The following TRPS1 variants were observed in gnomAD, a reference collection of about 807,000 sequenced individuals.
The protein encoded by TRPS1 is transcriptional repressor GATA binding 1, also known as zinc finger transcription factor Trps1.
Under a neutral mutation model 101.2 loss-of-function variants are expected in TRPS1, and 6 were observed. The observed-to-expected ratio is 0.06, with a 90% CI of 0.03 to 0.12. TRPS1 has a LOEUF of 0.12. TRPS1 is among the 10% of genes least tolerant of loss of function. The probability of loss-of-function intolerance (pLI) is 1.00; values close to 1 mark genes in which losing one functional copy is unlikely to be tolerated. For synonymous variants in TRPS1, 578 were observed against 589.8 expected (o/e 0.98, Z 0.29); for missense variants, 1,363 against 1,567.0 (o/e 0.87, Z 2.20).
rs73705198 is a variant in TRPS1 at position 115,441,391 on chromosome 8, T to C, written c.2701-22939A>G. ...AAACAGTTTTGGTGCATCCTTTCCA[T>C]AGGAGCTCACATACGAAATACATAT... On this transcript the variant is annotated intron_variant, in intron 5 of 6. Transcript: ENST00000395715. Among the ~76,000 whole-genome samples the C allele has an allele frequency of 8.2e-3, 1,242 of 152,318 alleles. 21 individuals are homozygous for C. Among genetic ancestry groups the C allele is most frequent in the African/African-American group, 0.029 (1,193 of 41,564 alleles).
intron 5 of TRPS1, among the ~76,000 whole-genome samples, chr8:115,423,797 A>C (rs1404380792): frequency 6.6e-6 from 1 of 152,214 alleles, no homozygotes; most frequent in African/African-American, 2.4e-5. Flanking sequence ...ACATGTTAGG[A>C]AACCCAGATA....
rs368671114 is a variant in TRPS1, at chr8:115,565,839, CAAG to C, written c.2700+21159_2700+21161del. ...TTTACTGCAGTAAAAATAACAGCAC[CAAG>C]AAGAAGCATCATGCTACATAATTCT... On this transcript the variant is annotated intron_variant, in intron 5 of 6. Coordinates refer to ENST00000395715, the MANE Select transcript of TRPS1 (RefSeq NM_014112.5). Among the ~76,000 whole-genome samples, 265 of 152,082 alleles carry C rather than the reference CAAG, an allele frequency of 1.7e-3. 2 individuals are homozygous for C. The highest frequency in any genetic ancestry group is 6.1e-3 in the African/African-American group (251 of 41,482).
At chr8:115,501,822 T>G (rs1182637441) in intron 5 of TRPS1, among the ~76,000 whole-genome samples, 1 of 152,142 alleles carries the variant, frequency 6.6e-6, no homozygotes, top group Non-Finnish European at 1.5e-5. Flanking sequence ...CTATCCTACT[T>G]CTCTAAATCC....
At chr8:115,522,601 T>C (rs1025842613) in intron 5 of TRPS1, among the ~76,000 whole-genome samples, 6 of 151,992 alleles carry the variant, frequency 3.9e-5, no homozygotes, top group Non-Finnish European at 8.8e-5. Flanking sequence ...CAGAAAATAA[T>C]GAGCCTGAAA....
At chr8:115,509,922 C>A (rs144920648) in intron 5 of TRPS1, among the ~76,000 whole-genome samples, 1 of 151,978 alleles carries the variant, frequency 6.6e-6, no homozygotes, top group East Asian at 1.9e-4. Context: ...GGTCTCTTCC[C>A]GCTGACCTCC....
intron 5 of TRPS1, among the ~76,000 whole-genome samples, chr8:115,474,939 G>A (rs909212860): frequency 1.3e-5 from 2 of 151,916 alleles, no homozygotes; most frequent in African/African-American, 4.8e-5. Flanking sequence ...AAAATTATGG[G>A]TTCCCAGAAT....
intron 1 of TRPS1, among the ~76,000 whole-genome samples, chr8:115,667,256 G>C (rs1811944099): frequency 6.6e-6 from 1 of 152,068 alleles, no homozygotes; most frequent in Admixed American, 6.6e-5. Flanking sequence ...TGGGGAAAGG[G>C]GGAAACACCA....
intron 5 of TRPS1, among the ~76,000 whole-genome samples, chr8:115,527,954 T>TC (rs1816040358): frequency 2.6e-5 from 4 of 152,050 alleles, no homozygotes; most frequent in Admixed American, 2.6e-4. Context: ...TTTCCAGCCA[T>TC]CTTAGATTTC....
intron 5 of TRPS1, among the ~76,000 whole-genome samples, chr8:115,444,835 A>T (rs1208862998): frequency 6.6e-6 from 1 of 152,176 alleles, no homozygotes; most frequent in East Asian, 1.9e-4. Flanking sequence ...ATTAGTCACC[A>T]AGTCCTGTAG....
intron 5 of TRPS1, among the ~76,000 whole-genome samples, chr8:115,484,237 T>C (rs1026119332): frequency 6.6e-6 from 1 of 151,988 alleles, no homozygotes; most frequent in Non-Finnish European, 1.5e-5. Context: ...AACAATGCCA[T>C]GTGTCTTCAT....
chr8:115,589,023 T>G (rs376067885), intron 4 of TRPS1, among the ~76,000 whole-genome samples: 1 of 152,066 alleles, frequency 6.6e-6, no homozygotes, highest in Non-Finnish European at 1.5e-5. Context: ...AAGGGCTGCG[T>G]AGGTAATCAG....
At chr8:115,433,553 A>T (rs748879172) in intron 5 of TRPS1, among the ~76,000 whole-genome samples, 10 of 152,144 alleles carry the variant, frequency 6.6e-5, no homozygotes, top group Non-Finnish European at 1.2e-4. Flanking sequence ...TGTTTAAGTC[A>T]TGATTTCTAC....
At chr8:115,623,224 A>G (rs1042549677) in intron 2 of TRPS1, among the ~76,000 whole-genome samples, 1 of 152,100 alleles carries the variant, frequency 6.6e-6, no homozygotes, top group Non-Finnish European at 1.5e-5. Flanking sequence ...AAACTGCTAA[A>G]ACTTCAAAGA....
chr8:115,548,923 G>A (rs2130331882), intron 5 of TRPS1, among the ~76,000 whole-genome samples: 1 of 152,268 alleles, frequency 6.6e-6, no homozygotes, highest in Non-Finnish European at 1.5e-5. Flanking sequence ...AAGCCTTTGT[G>A]AAGAAGATGT....
At chr8:115,423,828 T>A (rs569592398) in intron 5 of TRPS1, among the ~76,000 whole-genome samples, 2 of 152,328 alleles carry the variant, frequency 1.3e-5, no homozygotes, top group South Asian at 2.1e-4. Context: ...CATTTTTTTT[T>A]AAATTTTAAA....
chr8:115,498,499 CAA>C (rs1472036074), intron 5 of TRPS1, among the ~76,000 whole-genome samples: 1 of 144,974 alleles, frequency 6.9e-6, no homozygotes, highest in East Asian at 2.1e-4. Flanking sequence ...CAAAAACACA[CAA>C]GTTTGTTGTT....
At chr8:115,630,572 T>G (rs2130560217) in intron 1 of TRPS1, among the ~76,000 whole-genome samples, 1 of 152,152 alleles carries the variant, frequency 6.6e-6, no homozygotes, top group South Asian at 2.1e-4. Context: ...GAGGTAGGTT[T>G]TTTTAAGGCC....
rs1286729898 is a variant in TRPS1, at chr8:115,414,792, A to G, written c.3116T>C (p.Leu1039Pro). ...AGGTTGCATCCTTTTGTGAATATCC[A>G]GAGTTTGGCTGACCAGGACTGGCTG... is the stretch of plus-strand genomic sequence containing the variant. ...AQQPVLVSQT[L>P]DIHKRMQPLH... Residue 1039 changes from leucine to proline, a missense_variant, in exon 7 of 7, where the codon CTG becomes CCG. Transcript: ENST00000395715. The surrounding 1 kb of genome is among the most constrained non-coding windows in gnomAD (Gnocchi z 4.8). 2 of 1,614,042 alleles carry G rather than the reference A, an allele frequency of 1.2e-6. No homozygotes were observed. Among genetic ancestry groups the G allele is most frequent in the Non-Finnish European group, 1.7e-6 (2 of 1,179,944 alleles).
At chr8:115,602,103 G>A (rs527330111) in intron 4 of TRPS1, among the ~76,000 whole-genome samples, 1 of 152,170 alleles carries the variant, frequency 6.6e-6, no homozygotes, top group East Asian at 1.9e-4. Context: ...AAAACCACTT[G>A]TCCAACTGAG....
Sources: allele counts gnomAD v4.1 joint callset (sites outside exome capture counted in the v4.1 genomes callset), GRCh38; gene constraint gnomAD v4.1.1; non-coding constraint Gnocchi (gnomAD v3.1); transcripts MANE v1.5; gene names NCBI Gene and HGNC (gene_info 2026-07-23, HGNC 2026-07-21).